Variants in DNAJA1 observed in about 807,000 individuals in gnomAD.
DNAJA1 encodes dnaJ homolog subfamily A member 1.
In DNAJA1, 26 loss-of-function variants were observed where a neutral mutation model predicts 47.6. The observed-to-expected ratio is 0.55, with a 90% CI of 0.40 to 0.76. The LOEUF (loss-of-function observed/expected upper bound fraction) is 0.76, where lower values mean the gene tolerates loss of function less well. DNAJA1 is among the 30% of genes least tolerant of loss of function. The probability of loss-of-function intolerance (pLI) is 0.00; values close to 1 mark genes in which losing one functional copy is unlikely to be tolerated. For missense variants in DNAJA1, 315 were observed against 485.0 expected, an observed-to-expected ratio of 0.65 and a Z score of 3.29; for synonymous variants, 165 against 158.4, an observed-to-expected ratio of 1.04 and a Z score of -0.31.
intron 6 of DNAJA1, among the ~76,000 whole-genome samples, chr9:33,035,561 C>G (rs529471846): frequency 2.4e-4 from 36 of 152,220 alleles, no homozygotes; most frequent in African/African-American, 8.4e-4. Context: ...CCTCCAACTC[C>G]CAGGTTCAAG....
chr9:33,034,246 A>G lies in DNAJA1; in HGVS notation c.674A>G (p.His225Arg), dbSNP rs1409765492. ...AAAGATGGCCAGAAGATAACATTCC[A>G]TGGTGAAGGAGACCAAGAACCAGGA... ...GMKDGQKITF[H>R]GEGDQEPGLE... Residue 225 changes from histidine to arginine, a missense_variant, in exon 6 of 9, where the codon CAT becomes CGT. Physicochemically the swap from His to Arg is conservative, Grantham distance 29 (BLOSUM62 0). This residue lies in a region of DNAJA1 where 45 missense variants were observed against 93.3 expected (regional missense o/e 0.48). Transcript: ENST00000330899. 2 of 1,601,032 alleles carry G rather than the reference A, an allele frequency of 1.2e-6. No individual in the cohort carries two copies. Among genetic ancestry groups the G allele is most frequent in the East Asian group, 2.2e-5 (1 of 44,678 alleles).
chr9:33,025,950 A>G (rs1838827129), intron 1 of DNAJA1, among the ~76,000 whole-genome samples: 1 of 152,164 alleles, frequency 6.6e-6, no homozygotes, highest in Admixed American at 6.5e-5. Context: ...CTGAGGGGCG[A>G]GAGGGATTCG....
At chr9:33,031,914 TTTGA>T (rs904005352) in intron 5 of DNAJA1, among the ~76,000 whole-genome samples, 1 of 152,224 alleles carries the variant, frequency 6.6e-6, no homozygotes, top group Non-Finnish European at 1.5e-5. Context: ...ATTCTCGGGA[TTTGA>T]TTGATTTGTC....
At chr9:33,025,476 G>C (rs1396668608) in intron 1 of DNAJA1, 93 bp downstream of exon 1, 1 of 152,564 alleles carries the variant, frequency 6.6e-6, no homozygotes, top group Non-Finnish European at 1.5e-5. Context: ...GCAGTTGGCC[G>C]CGTGGGTAGG....
At position 33,026,809 on chromosome 9, in the gene DNAJA1, A is replaced by G. The variant is rs780532254; in HGVS notation, c.133-4A>G. ...ATGAAATTCACTCCTCTTTTCTCAA[A>G]CAGTTTAAACAGATTTCTCAAGCTT... is the stretch of plus-strand genomic sequence containing the variant. On this transcript the variant is annotated splice_region_variant and splice_polypyrimidine_tract_variant and intron_variant, in intron 2 of 8. Coordinates refer to ENST00000330899, the MANE Select transcript of DNAJA1 (RefSeq NM_001539.4). The G allele has an allele frequency of 3.9e-5, 62 of 1,606,480 alleles. No individual in the cohort carries two copies. Among genetic ancestry groups the G allele is most frequent in the Non-Finnish European group, 5.0e-5 (59 of 1,177,284 alleles).
At chr9:33,027,821 G>T (rs1838897014) in intron 3 of DNAJA1, among the ~76,000 whole-genome samples, 1 of 151,956 alleles carries the variant, frequency 6.6e-6, no homozygotes, top group East Asian at 1.9e-4. Flanking sequence ...CTGCACTCCA[G>T]CCTGGGCAAC....
chr9:33,039,385 C>T lies in DNAJA1; in HGVS notation c.*482C>T, dbSNP rs1455383374. On this transcript the variant is annotated 3_prime_UTR_variant, in exon 9 of 9. Coordinates refer to ENST00000330899, the MANE Select transcript of DNAJA1 (RefSeq NM_001539.4). ...AATGCCTCTGCATTTATTCTGTTGCCTCAGCTGTTACTTGAAGATGGCGTA... is the reference window on the plus strand; with the variant it reads ...AATGCCTCTGCATTTATTCTGTTGCTTCAGCTGTTACTTGAAGATGGCGTA... The T allele has an allele frequency of 6.6e-6, 1 of 152,406 alleles. No homozygotes were observed. The highest frequency in any genetic ancestry group is 1.5e-5 in the Non-Finnish European group (1 of 68,418). The allele number at this position is 152,406 out of a possible 1,614,324, so 9.4% of individuals were successfully genotyped here.
intron 1 of DNAJA1, 40 bp from the exon 2 acceptor site, chr9:33,026,435 C>T (rs778574504): frequency 7.2e-5 from 113 of 1,574,442 alleles, no homozygotes; most frequent in Admixed American, 3.1e-4. Context: ...TTAAAAGCTA[C>T]CAGTTGAAAG....
chr9:33,038,087 C>T (rs916899799), intron 8 of DNAJA1, among the ~76,000 whole-genome samples: 2 of 151,862 alleles, frequency 1.3e-5, no homozygotes, highest in African/African-American at 4.8e-5. Context: ...TCACTGTAAC[C>T]TCCACCTCCT....
chr9:33,039,561 A>ATATATATATATAT lies in DNAJA1; in HGVS notation c.*658_*659insTATATATATATAT, dbSNP rs74178844. On this transcript the variant is annotated 3_prime_UTR_variant, in exon 9 of 9. Coordinates refer to ENST00000330899, the MANE Select transcript of DNAJA1 (RefSeq NM_001539.4). ...CATATATATATACATATATATATATAATCTTGACCAGTCCTGGTCATTTGC... is the reference window on the plus strand; with the variant it reads ...CATATATATATACATATATATATATATATATATATATATATCTTGACCAGTCCTGGTCATTTGC... The ATATATATATATAT allele has an allele frequency of 4.4e-4, 62 of 141,918 alleles. No homozygotes were observed. The highest frequency in any genetic ancestry group is 6.5e-4 in the South Asian group (3 of 4,646). 8.8% of individuals were successfully genotyped at this position (141,918 alleles called of 1,614,324 possible).
intron 4 of DNAJA1, among the ~76,000 whole-genome samples, chr9:33,030,214 A>G (rs932867110): frequency 6.6e-6 from 1 of 151,006 alleles, no homozygotes; most frequent in African/African-American, 2.4e-5. Context: ...GTTGGGATCA[A>G]GCTAGTTTGG....
intron 1 of DNAJA1, among the ~76,000 whole-genome samples, chr9:33,026,153 G>A (rs1587694772): frequency 6.6e-6 from 1 of 152,292 alleles, no homozygotes; most frequent in Non-Finnish European, 1.5e-5. Flanking sequence ...GCTTCTTTTG[G>A]TTACAACTGT....
intron 5 of DNAJA1, among the ~76,000 whole-genome samples, chr9:33,033,165 T>TTA (rs987663448): frequency 2.9e-5 from 4 of 137,842 alleles, no homozygotes; most frequent in African/African-American, 1.1e-4. Context: ...AGTCTCAGTT[T>TTA]AAAAAAAAAA....
chr9:33,039,205 C>A lies in DNAJA1; in HGVS notation c.*302C>A. 2.8e-6 allele frequency: 1 copy of A among 358,390 alleles called. No homozygotes were observed. The highest frequency in any genetic ancestry group is 5.2e-6 in the Non-Finnish European group (1 of 190,898). 22.2% of individuals were successfully genotyped at this position (358,390 alleles called of 1,614,324 possible). Reference sequence around the variant, plus strand: ...AGCTATGTACGTGGACAAGCTTAGACTGAAATGCTAGGTATATGTATTGGC... The same window carrying A: ...AGCTATGTACGTGGACAAGCTTAGAATGAAATGCTAGGTATATGTATTGGC... On this transcript the variant is annotated 3_prime_UTR_variant, in exon 9 of 9. Coordinates refer to ENST00000330899, the MANE Select transcript of DNAJA1 (RefSeq NM_001539.4).
At chr9:33,033,591 G>A (rs1292768803) in intron 5 of DNAJA1, among the ~76,000 whole-genome samples, 2 of 152,230 alleles carry the variant, frequency 1.3e-5, no homozygotes, top group East Asian at 3.9e-4. Flanking sequence ...TCGGGAGGCT[G>A]AGGTGGGAGG....
chr9:33,035,627 G>A (rs1464319522), intron 6 of DNAJA1, among the ~76,000 whole-genome samples: 4 of 151,800 alleles, frequency 2.6e-5, no homozygotes, highest in Non-Finnish European at 4.4e-5. Flanking sequence ...CCACCACCAC[G>A]CCCAGCTGAT....
At chr9:33,027,096 T>G in intron 3 of DNAJA1, 106 bp downstream of exon 3, 1 of 1,329,134 alleles carries the variant, frequency 7.5e-7, no homozygotes, top group African/African-American at 1.5e-5. Flanking sequence ...GTTGGTATAA[T>G]GTTGCAAACT....
At chr9:33,036,924 A>G in intron 7 of DNAJA1, 91 bp from the exon 8 acceptor site, 1 of 1,189,274 alleles carries the variant, frequency 8.4e-7, no homozygotes, top group Non-Finnish European at 1.2e-6. Context: ...TACTCCTGCC[A>G]ATGAGCTAGG....
At chr9:33,035,250 G>A (rs1839016271) in intron 6 of DNAJA1, among the ~76,000 whole-genome samples, 1 of 151,894 alleles carries the variant, frequency 6.6e-6, no homozygotes, top group Non-Finnish European at 1.5e-5. Flanking sequence ...AGCCAGGCAT[G>A]GTGGCAGGCC....
Sources: gnomAD v4.1 joint callset for allele counts (sites outside exome capture counted in the v4.1 genomes callset) on GRCh38, gnomAD v4.1.1 for gene constraint, gnomAD v4.1.1 regional missense constraint, MANE v1.5 for transcripts, NCBI Gene and HGNC (gene_info 2026-07-23, HGNC 2026-07-21) for gene names.